The following EPHB2 variants were observed in gnomAD, a reference collection of about 807,000 sequenced individuals.
EPHB2 encodes the protein EPH receptor B2.
Under a neutral mutation model 96.4 loss-of-function variants are expected in EPHB2, and 18 were observed. The observed-to-expected ratio is 0.19, with a 90% CI of 0.13 to 0.28. EPHB2 has a LOEUF of 0.28. Among genes scored for constraint, EPHB2 ranks in the 10% least tolerant of loss-of-function variants. EPHB2 has a pLI of 1.00. For synonymous variants in EPHB2, 506 were observed against 534.1 expected (o/e 0.95, Z 0.72); for missense variants, 989 against 1,355.4 (o/e 0.73, Z 4.25).
chr1:22,722,243 T>C (rs904943288), intron 1 of EPHB2, among the ~76,000 whole-genome samples: 1 of 152,156 alleles, frequency 6.6e-6, no homozygotes, highest in Non-Finnish European at 1.5e-5. Context: ...GTGATCCACC[T>C]GCCTCAGCTT....
In EPHB2 at chr1:22,784,499, C is replaced by T. The variant is rs1644579347; in HGVS notation, c.234C>T (p.Ile78=). 6.2e-7 allele frequency: 1 copy of T among 1,613,616 alleles called. No homozygotes were observed. The highest frequency in any genetic ancestry group is 1.7e-5 in the Admixed American group (1 of 59,998). ...ACAACTGGCTACGGACCAAGTTTAT[C>T]CGGCGCCGTGGCGCCCACCGCATCC... ...SQNNWLRTKF[I]RRRGAHRIHV... The change falls in exon 3 of 16, where the codon ATC becomes ATT. Residue 78 remains isoleucine, a synonymous_variant. Transcript: ENST00000374630. This position sits in a 1 kb window ranked among gnomAD's most constrained non-coding sequence, Gnocchi z 5.1.
intron 1 of EPHB2, among the ~76,000 whole-genome samples, chr1:22,767,329 C>T (rs1644321372): frequency 6.6e-6 from 1 of 152,198 alleles, no homozygotes. Flanking sequence ...CATCAGCTCT[C>T]ACCTGAGACT....
chr1:22,885,540 T>G (rs536876898), intron 6 of EPHB2, among the ~76,000 whole-genome samples: 1 of 152,346 alleles, frequency 6.6e-6, no homozygotes, highest in South Asian at 2.1e-4. Flanking sequence ...CTCTAGCATC[T>G]CATTTATCCT....
At chr1:22,779,760 G>A (rs186692153) in intron 1 of EPHB2, among the ~76,000 whole-genome samples, 8 of 152,332 alleles carry the variant, frequency 5.3e-5, no homozygotes, top group African/African-American at 1.4e-4. Flanking sequence ...AAAAGGAGGC[G>A]GTTGGGCTGG....
At chr1:22,873,680 G>T (rs1476392237) in intron 5 of EPHB2, among the ~76,000 whole-genome samples, 1 of 152,204 alleles carries the variant, frequency 6.6e-6, no homozygotes, top group Non-Finnish European at 1.5e-5. Context: ...AGCCATCAGA[G>T]ATCCACACTC....
chr1:22,711,767 T>C (rs1643154610), intron 1 of EPHB2, among the ~76,000 whole-genome samples: 2 of 151,886 alleles, frequency 1.3e-5, no homozygotes, highest in African/African-American at 4.8e-5. Flanking sequence ...CCCCGGGAAC[T>C]CTCCAGCTGC....
intron 5 of EPHB2, among the ~76,000 whole-genome samples, chr1:22,879,503 TGGCGCTGG>T (rs1638961167): frequency 1.3e-5 from 2 of 152,112 alleles, no homozygotes; most frequent in African/African-American, 4.8e-5. Flanking sequence ...CGGGGAGGGA[TGGCGCTGG>T]GGCTGAAGGC....
chr1:22,828,737 T>G (rs1645260054), intron 3 of EPHB2, among the ~76,000 whole-genome samples: 1 of 152,214 alleles, frequency 6.6e-6, no homozygotes, highest in Non-Finnish European at 1.5e-5. Context: ...CATAGAATTA[T>G]AGAATGTTGC....
chr1:22,864,743 GGTGGGGAGACAGGACA>G (rs1638407379), intron 4 of EPHB2, 118 bp from the exon 5 acceptor site: 1 of 617,920 alleles, frequency 1.6e-6, no homozygotes, highest in East Asian at 2.8e-5. Flanking sequence ...ACATTTCTCT[GGTGGGGAGACAGGACA>G]AAGAATTTAA....
rs146884539 is a variant in EPHB2 at position 22,718,666 on chromosome 1, G to C, written c.61+7623G>C. Among the ~76,000 whole-genome samples the C allele has an allele frequency of 4.6e-5, 7 of 152,276 alleles. No homozygotes were observed. The East Asian group carries it at 1.2e-3, about 25-fold the overall frequency. On this transcript the variant is annotated intron_variant, in intron 1 of 15. Coordinates refer to ENST00000374630, the MANE Select transcript of EPHB2 (RefSeq NM_017449.5). ...GCCTCCCAAAGTGCTGGGATTACAG[G>C]TGTGAGCCACCGCGCCCAGCAGCTG... is the stretch of plus-strand genomic sequence containing the variant.
rs558399494 is a variant in EPHB2, at chr1:22,856,256, C to T, written c.812-6781C>T. 7.2e-5 allele frequency among the ~76,000 whole-genome samples: 11 copies of T among 152,328 alleles called. 1 individual carries two copies. Among genetic ancestry groups the T allele is most frequent in the South Asian group, 4.1e-4 (2 of 4,824 alleles). ...GCCAGGCCCAGATGGAGTCCTGCCT[C>T]GGCCTGACTCAGGGCTCACTTGGTC... On this transcript the variant is annotated intron_variant, in intron 3 of 15. Coordinates refer to ENST00000374630, the MANE Select transcript of EPHB2 (RefSeq NM_017449.5).
intron 3 of EPHB2, among the ~76,000 whole-genome samples, chr1:22,840,860 A>G (rs1023283653): frequency 6.6e-6 from 1 of 152,156 alleles, no homozygotes; most frequent in Non-Finnish European, 1.5e-5. Flanking sequence ...TTTAATCCCC[A>G]CAACAACCCC....
intron 3 of EPHB2, among the ~76,000 whole-genome samples, chr1:22,862,214 C>G (rs1386389011): frequency 6.6e-6 from 1 of 152,240 alleles, no homozygotes; most frequent in Non-Finnish European, 1.5e-5. Context: ...GGGGTGGACT[C>G]CATATCAGGG....
chr1:22,792,948 G>A (rs1279371259), intron 3 of EPHB2, among the ~76,000 whole-genome samples: 2 of 152,290 alleles, frequency 1.3e-5, no homozygotes, highest in East Asian at 1.9e-4. Context: ...GTCAGAGGAC[G>A]GCCTCCAGGA....
intron 6 of EPHB2, among the ~76,000 whole-genome samples, chr1:22,890,402 C>T (rs978674846): frequency 2.6e-5 from 4 of 152,156 alleles, no homozygotes; most frequent in African/African-American, 9.7e-5. Context: ...CTATCCCTGC[C>T]TCCCCCTGTT....
intron 6 of EPHB2, among the ~76,000 whole-genome samples, chr1:22,883,069 G>A (rs170129): frequency 0.1 from 15,415 of 152,242 alleles, 2,553 homozygotes; most frequent in African/African-American, 0.35. Flanking sequence ...GTGAGAAGCC[G>A]TAGGTTCAAA....
At chr1:22,755,175 G>A (rs1031187290) in intron 1 of EPHB2, among the ~76,000 whole-genome samples, 11 of 152,072 alleles carry the variant, frequency 7.2e-5, no homozygotes, top group Admixed American at 4.6e-4. Context: ...AGTTTATGCC[G>A]TCCTAGAATA....
At chr1:22,840,653 A>G (rs1365167221) in intron 3 of EPHB2, among the ~76,000 whole-genome samples, 1 of 151,974 alleles carries the variant, frequency 6.6e-6, no homozygotes, top group African/African-American at 2.4e-5. Context: ...CAGAGATGGG[A>G]TCTTGCCATG....
In EPHB2 at chr1:22,913,664, C is replaced by T. The variant is rs749162914; in HGVS notation, c.*94C>T. On this transcript the variant is annotated 3_prime_UTR_variant, in exon 16 of 16. Transcript: ENST00000374630. The surrounding 1 kb of genome is among the most constrained non-coding windows in gnomAD (Gnocchi z 4.1). ...GGTGCTCTATCCACTGCAGGGCCAG[C>T]CACTCGCCAGGAGGCCACGGGCCAC... The T allele has an allele frequency of 1.3e-5, 21 of 1,603,142 alleles. No homozygotes were observed. Among genetic ancestry groups the T allele is most frequent in the Admixed American group, 1.7e-5 (1 of 57,696 alleles).
Sources: gnomAD v4.1 joint callset for allele counts (sites outside exome capture counted in the v4.1 genomes callset) on GRCh38, gnomAD v4.1.1 for gene constraint, Gnocchi (gnomAD v3.1) non-coding constraint, MANE v1.5 for transcripts, NCBI Gene and HGNC (gene_info 2026-07-23, HGNC 2026-07-21) for gene names.